The following PPM1E variants were observed in gnomAD, a reference collection of about 807,000 sequenced individuals.
PPM1E encodes protein phosphatase 1E.
PPM1E carries 20 observed loss-of-function variants against 65.9 expected under a neutral mutation model. That is an observed-to-expected ratio of 0.30 (90% CI 0.21 to 0.44). PPM1E has a LOEUF of 0.44. PPM1E is among the 20% of genes least tolerant of loss of function. PPM1E has a pLI of 1.00. For missense variants in PPM1E, 713 were observed against 953.1 expected, an observed-to-expected ratio of 0.75 and a Z score of 3.32; for synonymous variants, 352 against 374.9, an observed-to-expected ratio of 0.94 and a Z score of 0.70.
At chr17:58,782,308 T>C (rs1201557590) in intron 1 of PPM1E, among the ~76,000 whole-genome samples, 2 of 152,074 alleles carry the variant, frequency 1.3e-5, no homozygotes, top group African/African-American at 4.8e-5. Flanking sequence ...ATTATATAAT[T>C]ATACAGTTAT....
At chr17:58,819,535 A>G (rs1270440198) in intron 1 of PPM1E, among the ~76,000 whole-genome samples, 1 of 152,188 alleles carries the variant, frequency 6.6e-6, no homozygotes, top group Non-Finnish European at 1.5e-5. Flanking sequence ...TTGCATTGCT[A>G]TAAAGAAATA....
intron 3 of PPM1E, chr17:58,966,418 TAAAAAAA>T (rs55779609): frequency 1.2e-4 from 15 of 122,444 alleles, no homozygotes; most frequent in East Asian, 7.7e-4. Context: ...AGCAGTTTTG[TAAAAAAA>T]AAAAAAAAAA....
Position 58,981,358 on chromosome 17 carries a change from AAGTTAGTTATTTC to A in PPM1E, c.*331_*343del. The A allele has an allele frequency of 4.2e-6, 1 of 238,634 alleles. No homozygotes were observed. Among genetic ancestry groups the A allele is most frequent in the East Asian group, 9.6e-5 (1 of 10,462 alleles). The allele number at this position is 238,634 out of a possible 1,614,324, so 14.8% of individuals were successfully genotyped here. ...CCTTCAGTCACTAGTGGAAGCTTTC[AAGTTAGTTATTTC>A]AGTCAGGATATACAGTGTTGAAATC... On this transcript the variant is annotated 3_prime_UTR_variant, in exon 7 of 7. Coordinates refer to ENST00000308249, the MANE Select transcript of PPM1E (RefSeq NM_014906.5).
chr17:58,759,563 C>G (rs571128091), intron 1 of PPM1E, among the ~76,000 whole-genome samples: 5 of 152,142 alleles, frequency 3.3e-5, no homozygotes, highest in Non-Finnish European at 5.9e-5. Flanking sequence ...ATTCTGAAGT[C>G]TTTTTTCTTT....
chr17:58,926,598 C>G (rs2051826756), intron 1 of PPM1E, among the ~76,000 whole-genome samples: 1 of 152,156 alleles, frequency 6.6e-6, no homozygotes, highest in African/African-American at 2.4e-5. Context: ...TGCTGTGCTG[C>G]CAGATTATTT....
chr17:58,807,083 G>A (rs1468369680), intron 1 of PPM1E, among the ~76,000 whole-genome samples: 1 of 152,074 alleles, frequency 6.6e-6, no homozygotes, highest in Non-Finnish European at 1.5e-5. Context: ...ATCTTACAGT[G>A]AATGCTGATA....
intron 1 of PPM1E, among the ~76,000 whole-genome samples, chr17:58,845,224 A>G (rs1029691108): frequency 6.6e-6 from 1 of 151,902 alleles, no homozygotes; most frequent in Non-Finnish European, 1.5e-5. Flanking sequence ...ACCAGGGGTA[A>G]CATATAGCAA....
At chr17:58,894,584 T>A (rs1479466856) in intron 1 of PPM1E, among the ~76,000 whole-genome samples, 1 of 152,092 alleles carries the variant, frequency 6.6e-6, no homozygotes, top group Non-Finnish European at 1.5e-5. Flanking sequence ...TGAAAATAGT[T>A]CTGACTATTT....
chr17:58,766,963 A>T (rs2049886368), intron 1 of PPM1E, among the ~76,000 whole-genome samples: 1 of 152,196 alleles, frequency 6.6e-6, no homozygotes, highest in Admixed American at 6.6e-5. Context: ...ATGGAAAGTT[A>T]ACTATAATCT....
chr17:58,893,667 G>C (rs2051376071), intron 1 of PPM1E, among the ~76,000 whole-genome samples: 1 of 152,156 alleles, frequency 6.6e-6, no homozygotes, highest in Admixed American at 6.5e-5. Context: ...GTACCACTCT[G>C]TTATGGGCTG....
intron 1 of PPM1E, among the ~76,000 whole-genome samples, chr17:58,772,718 C>T (rs2049952387): frequency 6.6e-6 from 1 of 152,078 alleles, no homozygotes; most frequent in Non-Finnish European, 1.5e-5. Flanking sequence ...GGTAAACCTG[C>T]AAGGAAAACC....
intron 1 of PPM1E, among the ~76,000 whole-genome samples, chr17:58,889,116 T>C (rs1476385911): frequency 1.3e-5 from 2 of 152,342 alleles, no homozygotes; most frequent in East Asian, 3.9e-4. Context: ...TATTAAATTA[T>C]ATAACTTGCT....
At chr17:58,786,533 G>A (rs150708058) in intron 1 of PPM1E, among the ~76,000 whole-genome samples, 2 of 152,274 alleles carry the variant, frequency 1.3e-5, no homozygotes, top group African/African-American at 4.8e-5. Context: ...CTGGACAAAG[G>A]GATGATTCAT....
chr17:58,931,051 TA>T (rs2051887975), intron 1 of PPM1E, among the ~76,000 whole-genome samples: 1 of 58,646 alleles, frequency 1.7e-5, no homozygotes. Flanking sequence ...CCATCTCTAC[TA>T]AAAATACAAA....
At chr17:58,902,287 G>T (rs1287963821) in intron 1 of PPM1E, among the ~76,000 whole-genome samples, 1 of 151,944 alleles carries the variant, frequency 6.6e-6, no homozygotes, top group Non-Finnish European at 1.5e-5. Context: ...GCTAAGTTAG[G>T]GTTGCAGTCA....
chr17:58,838,691 A>G (rs1428421755), intron 1 of PPM1E, among the ~76,000 whole-genome samples: 2 of 152,326 alleles, frequency 1.3e-5, no homozygotes, highest in African/African-American at 4.8e-5. Context: ...TACCCAGTTG[A>G]GTTGTAAACT....
intron 1 of PPM1E, among the ~76,000 whole-genome samples, chr17:58,784,534 A>AT (rs2050080407): frequency 1.2e-4 from 8 of 65,530 alleles, no homozygotes; most frequent in Admixed American, 1.6e-4. Context: ...CGGAGTCTTT[A>AT]TTTTTTTTTG....
intron 1 of PPM1E, among the ~76,000 whole-genome samples, chr17:58,865,633 G>A (rs2050994182): frequency 1.3e-5 from 2 of 152,206 alleles, no homozygotes; most frequent in Non-Finnish European, 2.9e-5. Context: ...CTGGAAGGTT[G>A]AGGCTGCAGT....
chr17:58,779,152 A>T (rs1194115136), intron 1 of PPM1E, among the ~76,000 whole-genome samples: 6 of 151,180 alleles, frequency 4.0e-5, no homozygotes, highest in African/African-American at 1.5e-4. Flanking sequence ...ATTGTAAAAC[A>T]GTATTAAGGG....
Sources: gnomAD v4.1 joint callset for allele counts (sites outside exome capture counted in the v4.1 genomes callset) on GRCh38, gnomAD v4.1.1 for gene constraint, MANE v1.5 for transcripts, NCBI Gene and HGNC (gene_info 2026-07-23, HGNC 2026-07-21) for gene names.